SFMBT1: variants seen among roughly 807,000 people sequenced by gnomAD.
SFMBT1 encodes scm-like with four MBT domains protein 1.
A neutral mutation model predicts 108.7 loss-of-function variants in SFMBT1; 32 were observed. The observed-to-expected ratio is 0.29, with a 90% CI of 0.22 to 0.40. SFMBT1 has a LOEUF of 0.40. Among genes scored for constraint, SFMBT1 ranks in the 10% least tolerant of loss-of-function variants. The probability of loss-of-function intolerance (pLI) is 1.00; values close to 1 mark genes in which losing one functional copy is unlikely to be tolerated. For synonymous variants in SFMBT1, 348 were observed against 369.5 expected (o/e 0.94, Z 0.67); for missense variants, 816 against 1,059.6 (o/e 0.77, Z 3.19).
At chr3:53,006,371 C>T (rs1347996985) in intron 1 of SFMBT1, among the ~76,000 whole-genome samples, 1 of 152,112 alleles carries the variant, frequency 6.6e-6, no homozygotes, top group Non-Finnish European at 1.5e-5. Flanking sequence ...TGGCTCACGC[C>T]TGTAATCCCA....
chr3:52,986,799 G>T (rs1413199611), intron 1 of SFMBT1, among the ~76,000 whole-genome samples: 2 of 92,770 alleles, frequency 2.2e-5, no homozygotes, highest in Non-Finnish European at 4.6e-5. Flanking sequence ...AATTAGCAGG[G>T]TGTGGTGGCG....
chr3:52,942,201 C>A (rs1473870627), intron 4 of SFMBT1, among the ~76,000 whole-genome samples: 1 of 152,090 alleles, frequency 6.6e-6, no homozygotes, highest in Non-Finnish European at 1.5e-5. Context: ...TATCTGTAAA[C>A]AGTATTGTAT....
At chr3:52,966,680 T>C (rs1446658039) in intron 2 of SFMBT1, among the ~76,000 whole-genome samples, 1 of 141,976 alleles carries the variant, frequency 7.0e-6, no homozygotes, top group Non-Finnish European at 1.6e-5. Context: ...AGAAATGAAG[T>C]GACAAAAGAG....
At chr3:52,959,354 A>G (rs1029290360) in intron 2 of SFMBT1, among the ~76,000 whole-genome samples, 2 of 152,162 alleles carry the variant, frequency 1.3e-5, no homozygotes, top group African/African-American at 4.8e-5. Flanking sequence ...CCAAGGTCTA[A>G]CCACAATATC....
intron 10 of SFMBT1, among the ~76,000 whole-genome samples, chr3:52,924,353 C>A (rs901396420): frequency 6.6e-6 from 1 of 152,058 alleles, no homozygotes; most frequent in African/African-American, 2.4e-5. Context: ...ATTAAAACTA[C>A]ATGGCAAGGC....
chr3:53,031,789 A>G (rs1250235564), intron 1 of SFMBT1, among the ~76,000 whole-genome samples: 2 of 152,210 alleles, frequency 1.3e-5, no homozygotes, highest in Non-Finnish European at 2.9e-5. Flanking sequence ...GGAATAATGC[A>G]TTGGTGTATA....
At chr3:53,012,081 G>A (rs1041849778) in intron 1 of SFMBT1, among the ~76,000 whole-genome samples, 1 of 152,166 alleles carries the variant, frequency 6.6e-6, no homozygotes, top group Admixed American at 6.5e-5. Flanking sequence ...AGAAAAAATT[G>A]AGAGGTAGGA....
At position 52,942,953 on chromosome 3, in the gene SFMBT1, C is replaced by T. The variant is rs1295343937; in HGVS notation, c.364+400G>A. On this transcript the variant is annotated intron_variant, in intron 4 of 20. Transcript: ENST00000394752. ...TTCTGGAATGGTGCTTGATTTAGTT[C>T]ATTTAAGAGTTCCTAGTTACCAGAT... 2.6e-5 allele frequency among the ~76,000 whole-genome samples: 4 copies of T among 152,224 alleles called. No individual in the cohort carries two copies. The East Asian group carries it at 7.7e-4, about 29-fold the overall frequency.
intron 2 of SFMBT1, among the ~76,000 whole-genome samples, chr3:52,964,503 G>C (rs1275834409): frequency 1.3e-5 from 2 of 152,184 alleles, no homozygotes; most frequent in Non-Finnish European, 2.9e-5. Flanking sequence ...GACAAAGCAA[G>C]ATTTTGTCTC....
chr3:52,974,140 T>C (rs986695968), intron 1 of SFMBT1, among the ~76,000 whole-genome samples: 9 of 152,172 alleles, frequency 5.9e-5, no homozygotes, highest in Non-Finnish European at 1.0e-4. Context: ...CACTGATATG[T>C]TCGGTGGCTG....
At chr3:52,936,262 C>T (rs1450608860) in intron 4 of SFMBT1, among the ~76,000 whole-genome samples, 2 of 152,186 alleles carry the variant, frequency 1.3e-5, no homozygotes, top group East Asian at 3.8e-4. Context: ...AATTTCTCTA[C>T]ATCAACTATT....
intron 3 of SFMBT1, among the ~76,000 whole-genome samples, chr3:52,945,457 A>T (rs1352731094): frequency 1.3e-5 from 2 of 152,042 alleles, no homozygotes; most frequent in Non-Finnish European, 2.9e-5. Flanking sequence ...CAGTTAATAA[A>T]TATTGAAAAA....
In SFMBT1 at chr3:52,918,514, C is replaced by T. The variant is rs1192678115; in HGVS notation, c.1385G>A (p.Arg462Lys). The change falls in exon 13 of 21, where the codon AGG becomes AAG. Residue 462 changes from arginine (R) to lysine (K), a missense_variant. Coordinates refer to ENST00000394752, the MANE Select transcript of SFMBT1 (RefSeq NM_016329.4). The part of the protein sequence containing the change: ...TPRRARVYKQ[R>K]KIAVVQPEKQ... ...TTCTGGCTGAACCACTGCAATTTTC[C>T]TCTGTTTATATACTGTAGAAAGAAA... 3.2e-6 allele frequency: 5 copies of T among 1,560,522 alleles called. No homozygotes were observed. The highest frequency in any genetic ancestry group is 1.4e-5 in the African/African-American group (1 of 71,696).
At chr3:53,016,373 A>G (rs1699126463) in intron 1 of SFMBT1, among the ~76,000 whole-genome samples, 1 of 152,184 alleles carries the variant, frequency 6.6e-6, no homozygotes, top group South Asian at 2.1e-4. Flanking sequence ...GGGTGAACAT[A>G]TATCCAACTT....
In SFMBT1 at chr3:52,954,426, A is replaced by T; in HGVS notation, c.29-15T>A. On this transcript the variant is annotated splice_polypyrimidine_tract_variant and intron_variant, in intron 2 of 20. Transcript: ENST00000394752. ...AGAGCCGGCATCTAGAATTAAAAATAAAACAAAAACAGGTGAATCCCAATT... is the reference window on the plus strand; with the variant it reads ...AGAGCCGGCATCTAGAATTAAAAATTAAACAAAAACAGGTGAATCCCAATT... 1 of 1,579,344 alleles carries T rather than the reference A, an allele frequency of 6.3e-7. No individual in the cohort carries two copies. Among genetic ancestry groups the T allele is most frequent in the Non-Finnish European group, 8.7e-7 (1 of 1,153,704 alleles).
chr3:52,937,091 T>C (rs988853160), intron 4 of SFMBT1, among the ~76,000 whole-genome samples: 4 of 152,042 alleles, frequency 2.6e-5, no homozygotes, highest in Admixed American at 6.6e-5. Flanking sequence ...TCCGCCTGCC[T>C]CAGCCTCCCA....
At chr3:52,993,526 T>C (rs1008643332) in intron 1 of SFMBT1, among the ~76,000 whole-genome samples, 7 of 150,024 alleles carry the variant, frequency 4.7e-5, no homozygotes, top group African/African-American at 1.7e-4. Context: ...TCAATTAGTA[T>C]ACCAACCTTC....
Position 52,934,874 on chromosome 3 carries a change from T to C in SFMBT1, c.392A>G (p.Asp131Gly), listed in dbSNP as rs201654314. The change falls in exon 5 of 21, where the codon GAT becomes GGT. Residue 131 changes from aspartate (D) to glycine (G), a missense_variant. Asp to Gly is a moderately conservative substitution (Grantham distance 94, BLOSUM62 -1). Coordinates refer to ENST00000394752, the MANE Select transcript of SFMBT1 (RefSeq NM_016329.4). ...TATCAGGGTCTGCCGCAGAAACTCA[T>C]CCCAGTCAGATACTTTATCTCTGAT... ...EGIRDKVSDWDEFLRQTLIGA... is the reference protein window; with the variant it reads ...EGIRDKVSDWGEFLRQTLIGA... The C allele has an allele frequency of 3.2e-5, 52 of 1,613,384 alleles. No individual in the cohort carries two copies. Among genetic ancestry groups the C allele is most frequent in the Non-Finnish European group, 4.1e-5 (48 of 1,179,738 alleles).
chr3:52,963,064 G>A (rs1270127639), intron 2 of SFMBT1, among the ~76,000 whole-genome samples: 1 of 151,722 alleles, frequency 6.6e-6, no homozygotes, highest in African/African-American at 2.4e-5. Flanking sequence ...TGCGATCTCG[G>A]CTCACTGCAA....
Sources: gnomAD v4.1 joint callset for allele counts (sites outside exome capture counted in the v4.1 genomes callset) on GRCh38, gnomAD v4.1.1 for gene constraint, MANE v1.5 for transcripts, NCBI Gene and HGNC (gene_info 2026-07-23, HGNC 2026-07-21) for gene names.